The following ZBTB20 variants were observed in gnomAD, a reference collection of about 807,000 sequenced individuals.
The protein encoded by ZBTB20 is zinc finger and BTB domain-containing protein 20.
Under a neutral mutation model 56.9 loss-of-function variants are expected in ZBTB20, and 9 were observed. The ratio of observed to expected loss-of-function variants is 0.16; its 90% CI spans 0.10 to 0.28. The LOEUF (loss-of-function observed/expected upper bound fraction) is 0.28, where lower values mean the gene tolerates loss of function less well. ZBTB20 is among the 10% of genes least tolerant of loss of function. ZBTB20 has a pLI of 1.00. For synonymous variants in ZBTB20, 417 were observed against 420.7 expected (o/e 0.99, Z 0.11); for missense variants, 655 against 1,003.0 (o/e 0.65, Z 4.69).
chr3:114,483,808 T>C (rs2041817701), intron 7 of ZBTB20, among the ~76,000 whole-genome samples: 1 of 152,146 alleles, frequency 6.6e-6, no homozygotes, highest in South Asian at 2.1e-4. Context: ...AATTATGATG[T>C]GAGCTTTATT....
intron 1 of ZBTB20, among the ~76,000 whole-genome samples, chr3:115,118,401 C>A (rs1043710951): frequency 2.0e-4 from 30 of 152,198 alleles, no homozygotes; most frequent in Non-Finnish European, 2.5e-4. Flanking sequence ...TGATTCACAT[C>A]AATAATTGAT....
intron 2 of ZBTB20, among the ~76,000 whole-genome samples, chr3:115,055,274 T>C (rs1198253471): frequency 7.1e-6 from 1 of 140,452 alleles, no homozygotes; most frequent in Non-Finnish European, 1.5e-5. Flanking sequence ...ATAAGGACAC[T>C]CAAGCAGCCC....
At chr3:115,085,890 T>A (rs916009497) in intron 1 of ZBTB20, among the ~76,000 whole-genome samples, 1 of 151,948 alleles carries the variant, frequency 6.6e-6, no homozygotes, top group Non-Finnish European at 1.5e-5. Context: ...AGCTGAGTAT[T>A]TAAATGGCAA....
At chr3:115,063,524 G>A (rs1421820416) in intron 2 of ZBTB20, among the ~76,000 whole-genome samples, 1 of 152,092 alleles carries the variant, frequency 6.6e-6, no homozygotes, top group Non-Finnish European at 1.5e-5. Flanking sequence ...AAGGCCCCAT[G>A]TACAAATGCC....
intron 6 of ZBTB20, among the ~76,000 whole-genome samples, chr3:114,619,335 C>G (rs867375607): frequency 3.3e-5 from 5 of 151,600 alleles, no homozygotes; most frequent in South Asian, 4.2e-4. Flanking sequence ...AGAGAGTGAG[C>G]AGGGAAAATA....
intron 6 of ZBTB20, among the ~76,000 whole-genome samples, chr3:114,692,714 C>T (rs2108321926): frequency 6.6e-6 from 1 of 152,210 alleles, no homozygotes; most frequent in East Asian, 1.9e-4. Context: ...AATACTTTAT[C>T]TATACACCCC....
intron 6 of ZBTB20, among the ~76,000 whole-genome samples, chr3:114,634,748 G>A (rs982409691): frequency 3.3e-5 from 5 of 152,180 alleles, no homozygotes; most frequent in Non-Finnish European, 5.9e-5. Context: ...GCTCAACACT[G>A]AGAGGACTGC....
At chr3:114,497,735 G>A (rs1239032542) in intron 7 of ZBTB20, among the ~76,000 whole-genome samples, 1 of 152,160 alleles carries the variant, frequency 6.6e-6, no homozygotes, top group East Asian at 1.9e-4. Context: ...TCTAACAAAA[G>A]AAAGCATTTC....
chr3:115,026,304 C>T (rs1241353121), intron 2 of ZBTB20, among the ~76,000 whole-genome samples: 2 of 151,026 alleles, frequency 1.3e-5, no homozygotes, highest in African/African-American at 4.8e-5. Context: ...TACCAAATAA[C>T]TCCTGGCAGT....
intron 5 of ZBTB20, among the ~76,000 whole-genome samples, chr3:114,777,255 A>C (rs1265435506): frequency 1.3e-5 from 2 of 152,196 alleles, no homozygotes; most frequent in Non-Finnish European, 2.9e-5. Flanking sequence ...ATGGTGGCTC[A>C]CACCTGTAAT....
At chr3:114,480,492 A>G (rs547124226) in intron 7 of ZBTB20, among the ~76,000 whole-genome samples, 1 of 152,352 alleles carries the variant, frequency 6.6e-6, no homozygotes, top group African/African-American at 2.4e-5. Context: ...ATTAAGCCCT[A>G]ACGTAAATAT....
At chr3:115,019,161 A>G (rs571841531) in intron 2 of ZBTB20, among the ~76,000 whole-genome samples, 135 of 151,398 alleles carry the variant, frequency 8.9e-4, no homozygotes, top group African/African-American at 2.8e-3. Flanking sequence ...ATTTTTCCCA[A>G]TGTTGTTGTT....
intron 6 of ZBTB20, among the ~76,000 whole-genome samples, chr3:114,512,365 A>C (rs2045504361): frequency 6.6e-6 from 1 of 152,100 alleles, no homozygotes; most frequent in Non-Finnish European, 1.5e-5. Context: ...AGTTTTCCCG[A>C]GTCTATTATT....
chr3:114,852,048 TC>T (rs1047056943), intron 4 of ZBTB20, among the ~76,000 whole-genome samples: 13 of 152,078 alleles, frequency 8.5e-5, no homozygotes, highest in African/African-American at 3.1e-4. Flanking sequence ...GCTTGATTTT[TC>T]TTATTCACAA....
chr3:114,548,747 G>A (rs1279544904), intron 6 of ZBTB20, among the ~76,000 whole-genome samples: 1 of 152,070 alleles, frequency 6.6e-6, no homozygotes, highest in Non-Finnish European at 1.5e-5. Context: ...TCAAATGCCT[G>A]GCCTCAAGTG....
At chr3:115,003,667 A>AAAAAC (rs1040336086) in intron 2 of ZBTB20, among the ~76,000 whole-genome samples, 12 of 151,578 alleles carry the variant, frequency 7.9e-5, no homozygotes, top group South Asian at 2.1e-4. Flanking sequence ...GCCCCTACTA[A>AAAAAC]AAAACAAAAC....
rs891465642 is a variant in ZBTB20, at chr3:114,329,066, T to A, written c.*9939A>T. ...TTGCCATTACACTAGACATTAGCCCTTTCAAAGCAGACTAAGAGTACGTAG... is the reference window on the plus strand; with the variant it reads ...TTGCCATTACACTAGACATTAGCCCATTCAAAGCAGACTAAGAGTACGTAG... On this transcript the variant is annotated 3_prime_UTR_variant, in exon 12 of 12. Coordinates refer to ENST00000675478, the MANE Select transcript of ZBTB20 (RefSeq NM_001348800.3). The A allele has an allele frequency of 6.6e-6, 1 of 152,222 alleles. No homozygotes were observed. The highest frequency in any genetic ancestry group is 1.5e-5 in the Non-Finnish European group (1 of 68,038). 9.4% of individuals were successfully genotyped at this position (152,222 alleles called of 1,614,324 possible).
chr3:114,670,586 C>T (rs1261260516), intron 6 of ZBTB20, among the ~76,000 whole-genome samples: 2 of 151,888 alleles, frequency 1.3e-5, no homozygotes, highest in Non-Finnish European at 2.9e-5. Flanking sequence ...ACCAAGAGAC[C>T]ACCACTAAAA....
intron 6 of ZBTB20, among the ~76,000 whole-genome samples, chr3:114,525,165 G>T (rs1288346034): frequency 1.3e-5 from 2 of 151,664 alleles, no homozygotes; most frequent in Non-Finnish European, 2.9e-5. Context: ...TTTTTTGTTG[G>T]GGGGGGTGTC....
Sources: gnomAD v4.1 joint callset for allele counts (sites outside exome capture counted in the v4.1 genomes callset) on GRCh38, gnomAD v4.1.1 for gene constraint, MANE v1.5 for transcripts, NCBI Gene and HGNC (gene_info 2026-07-23, HGNC 2026-07-21) for gene names.